BBS9: variants seen among roughly 807,000 people sequenced by gnomAD.
The protein encoded by BBS9 is protein PTHB1.
In BBS9, 89 loss-of-function variants were observed where a neutral mutation model predicts 117.7. That is an observed-to-expected ratio of 0.76 (90% CI 0.64 to 0.90). The LOEUF (loss-of-function observed/expected upper bound fraction) is 0.90, where lower values mean the gene tolerates loss of function less well. BBS9 is among the 40% of genes least tolerant of loss of function. BBS9 has a pLI of 0.00. For missense variants in BBS9, 982 were observed against 1,042.2 expected, an observed-to-expected ratio of 0.94 and a Z score of 0.80; for synonymous variants, 379 against 370.9, an observed-to-expected ratio of 1.02 and a Z score of -0.25.
chr7:33,191,614 T>C (rs1177087632), intron 5 of BBS9, among the ~76,000 whole-genome samples: 1 of 152,232 alleles, frequency 6.6e-6, no homozygotes, highest in East Asian at 1.9e-4. Flanking sequence ...AAGGATATGC[T>C]CTGTCCTGGG....
At chr7:33,395,318 G>C (rs539755817) in intron 19 of BBS9, among the ~76,000 whole-genome samples, 4 of 152,238 alleles carry the variant, frequency 2.6e-5, no homozygotes, top group Admixed American at 6.5e-5. Flanking sequence ...TGGCAGAAAA[G>C]CTTTGCCAAA....
chr7:33,531,999 A>C (rs1334459243), intron 20 of BBS9, among the ~76,000 whole-genome samples: 1 of 152,208 alleles, frequency 6.6e-6, no homozygotes, highest in Non-Finnish European at 1.5e-5. Flanking sequence ...CTGTATACCA[A>C]GAACAGTGTG....
intron 20 of BBS9, among the ~76,000 whole-genome samples, chr7:33,509,409 ATAAC>A (rs1846595549): frequency 1.3e-5 from 2 of 152,230 alleles, no homozygotes; most frequent in East Asian, 3.8e-4. Flanking sequence ...CAAACCTGAA[ATAAC>A]TTGGAAGAAG....
chr7:33,631,683 C>T (rs908740096), intron 21 of BBS9, among the ~76,000 whole-genome samples: 1 of 152,196 alleles, frequency 6.6e-6, no homozygotes, highest in Non-Finnish European at 1.5e-5. Flanking sequence ...CAAAAAACCC[C>T]TCCCTTTAAA....
At chr7:33,555,140 A>G (rs1855096415) in intron 21 of BBS9, among the ~76,000 whole-genome samples, 1 of 152,288 alleles carries the variant, frequency 6.6e-6, no homozygotes, top group Admixed American at 6.5e-5. Flanking sequence ...CAATATAAAC[A>G]CTGTCTCAAA....
At chr7:33,230,068 T>A (rs1017699792) in intron 5 of BBS9, among the ~76,000 whole-genome samples, 1 of 152,188 alleles carries the variant, frequency 6.6e-6, no homozygotes. Context: ...TTTGGAGAAA[T>A]GTCTATTTAT....
rs562986195 is a variant in BBS9, at chr7:33,363,811, T to C, written c.1694-3956T>C. On this transcript the variant is annotated intron_variant, in intron 16 of 22. Coordinates refer to ENST00000242067, the MANE Select transcript of BBS9 (RefSeq NM_198428.3). ...TACATCAGCTGAGACATTCTTATCG[T>C]TTTCTTCTTTATTTGATTAAATATG... is the stretch of plus-strand genomic sequence containing the variant. Among the ~76,000 whole-genome samples the C allele has an allele frequency of 2.6e-5, 4 of 152,134 alleles. No homozygotes were observed. In the South Asian group the frequency reaches 8.3e-4, roughly 32 times the overall value.
intron 19 of BBS9, among the ~76,000 whole-genome samples, chr7:33,446,300 A>G (rs1360545731): frequency 6.6e-6 from 1 of 152,226 alleles, no homozygotes; most frequent in African/African-American, 2.4e-5. Context: ...TATGTCTAAT[A>G]TTAAGGTACA....
At chr7:33,147,272 C>CTAGA (rs146800775) in intron 2 of BBS9, among the ~76,000 whole-genome samples, 23,938 of 151,536 alleles carry the variant, frequency 0.16, 2,040 homozygotes, top group South Asian at 0.21. Context: ...TTTTTGTGAT[C>CTAGA]TAGTCATTAC....
rs115138001 is a variant in BBS9 at position 33,290,953 on chromosome 7, A to G, written c.1016+16997A>G. 2.9e-3 allele frequency among the ~76,000 whole-genome samples: 442 copies of G among 152,330 alleles called. 1 individual carries two copies. Among genetic ancestry groups the G allele is most frequent in the African/African-American group, 8.5e-3 (352 of 41,572 alleles). On this transcript the variant is annotated intron_variant, in intron 9 of 22. Transcript: ENST00000242067. ...ACTCAAAAATTACTTTAAAGAAAAA[A>G]GTATTAGTTATTTATGCTAATTTCA...
intron 5 of BBS9, among the ~76,000 whole-genome samples, chr7:33,224,879 G>A (rs979191782): frequency 6.6e-6 from 1 of 152,188 alleles, no homozygotes; most frequent in African/African-American, 2.4e-5. Flanking sequence ...GGCAACAGTA[G>A]CCATTGATGA....
intron 4 of BBS9, among the ~76,000 whole-genome samples, chr7:33,171,890 G>A (rs1796632540): frequency 6.6e-6 from 1 of 152,070 alleles, no homozygotes; most frequent in Non-Finnish European, 1.5e-5. Context: ...ATGGTACCCA[G>A]GAGGCTTATG....
chr7:33,289,410 T>C (rs1803554687), intron 9 of BBS9, among the ~76,000 whole-genome samples: 3 of 152,156 alleles, frequency 2.0e-5, no homozygotes. Flanking sequence ...TTGGAATGAA[T>C]AAAAAATGAA....
chr7:33,133,001 G>A (rs938804607), intron 1 of BBS9, among the ~76,000 whole-genome samples: 1 of 151,982 alleles, frequency 6.6e-6, no homozygotes. Context: ...TGTTGCGCAG[G>A]CTGGTCCTGA....
chr7:33,280,905 G>GTTTTTTTTTTTTTTTTTTTTT lies in BBS9; in HGVS notation c.1016+6954_1016+6955insTTTTTTTTTTTTTTTTTTTTT, dbSNP rs748350404. 1.6e-4 allele frequency among the ~76,000 whole-genome samples: 8 copies of GTTTTTTTTTTTTTTTTTTTTT among 48,772 alleles called. 2 individuals are homozygous for GTTTTTTTTTTTTTTTTTTTTT. Among genetic ancestry groups the GTTTTTTTTTTTTTTTTTTTTT allele is most frequent in the Non-Finnish European group, 2.6e-4 (7 of 26,442 alleles). 32.0% of individuals were successfully genotyped at this position (48,772 alleles called of 152,430 possible). A position where few individuals can be genotyped will look rare whatever the true frequency, so the allele number is the denominator to read the frequency against. On this transcript the variant is annotated intron_variant, in intron 9 of 22. Coordinates refer to ENST00000242067, the MANE Select transcript of BBS9 (RefSeq NM_198428.3). ...GTTTAAGTTTTGCTGTTAATTTGTC[G>GTTTTTTTTTTTTTTTTTTTTT]TTTTTGTTTTTTTTTTTTTTTTTTT...
intron 5 of BBS9, among the ~76,000 whole-genome samples, chr7:33,184,230 A>T (rs1432169408): frequency 6.6e-6 from 1 of 152,116 alleles, no homozygotes; most frequent in Non-Finnish European, 1.5e-5. Flanking sequence ...GTGACACTAA[A>T]CAAAGTTCAG....
At chr7:33,395,460 T>C (rs1827799662) in intron 19 of BBS9, among the ~76,000 whole-genome samples, 1 of 152,194 alleles carries the variant, frequency 6.6e-6, no homozygotes, top group Non-Finnish European at 1.5e-5. Flanking sequence ...TGCTATTACA[T>C]GTGCTGAGGT....
intron 1 of BBS9, among the ~76,000 whole-genome samples, chr7:33,145,138 G>A (rs1792127374): frequency 1.3e-5 from 2 of 152,186 alleles, no homozygotes; most frequent in South Asian, 4.1e-4. Context: ...TCTCCTAGGA[G>A]CAATGGTTCA....
At position 33,552,588 on chromosome 7, in the gene BBS9, C is replaced by G. The variant is rs185273992; in HGVS notation, c.2521+18412C>G. On this transcript the variant is annotated intron_variant, in intron 21 of 22. Transcript: ENST00000242067. ...AATTATAAAACTACCTCCTTTCTGG[C>G]TGTGTAACTTCACCTGGGCCCTTCT... 3.3e-5 allele frequency among the ~76,000 whole-genome samples: 5 copies of G among 152,304 alleles called. No individual in the cohort carries two copies. The East Asian group carries it at 9.7e-4, about 29-fold the overall frequency.
Sources: gnomAD v4.1 joint callset for allele counts (sites outside exome capture counted in the v4.1 genomes callset) on GRCh38, gnomAD v4.1.1 for gene constraint, MANE v1.5 for transcripts, NCBI Gene and HGNC (gene_info 2026-07-23, HGNC 2026-07-21) for gene names.